Variants in KCNK1 observed in about 807,000 individuals in gnomAD.
KCNK1 encodes potassium channel subfamily K member 1.
A neutral mutation model predicts 22.2 loss-of-function variants in KCNK1; 10 were observed. The observed-to-expected ratio is 0.45, with a 90% confidence interval of 0.28 to 0.76. The LOEUF (loss-of-function observed/expected upper bound fraction) is 0.76. Ranked by LOEUF, KCNK1 falls within the 30% of genes least tolerant of loss-of-function variation. KCNK1 has a pLI of 0.14. For missense variants in KCNK1, 378 were observed against 421.0 expected (o/e 0.90, Z 0.89); for synonymous variants, 200 against 186.4 (o/e 1.07, Z -0.60).
chr1:233,617,676 G>A (rs927994117), intron 1 of KCNK1, among the ~76,000 whole-genome samples: 1 of 152,198 alleles, frequency 6.6e-6, no homozygotes, highest in Admixed American at 6.5e-5. Flanking sequence ...GGGAGGCCAG[G>A]GTGGAAGGAT....
chr1:233,621,510 A>T (rs1192374538), intron 1 of KCNK1, among the ~76,000 whole-genome samples: 1 of 152,198 alleles, frequency 6.6e-6, no homozygotes, highest in Non-Finnish European at 1.5e-5. Flanking sequence ...CCTGAATGGG[A>T]TGTCATTGTT....
At chr1:233,657,598 TAAGA>T (rs759969507) in intron 1 of KCNK1, among the ~76,000 whole-genome samples, 26 of 71,096 alleles carry the variant, frequency 3.7e-4, no homozygotes, top group African/African-American at 8.8e-4. Context: ...GCCAAAGAAA[TAAGA>T]AAGAAAGAAA....
intron 1 of KCNK1, among the ~76,000 whole-genome samples, chr1:233,626,913 C>T (rs551126746): frequency 5.3e-5 from 8 of 151,974 alleles, no homozygotes; most frequent in African/African-American, 9.7e-5. Flanking sequence ...AAATAAATAT[C>T]TCCAGTACTC....
chr1:233,671,376 A>G lies in KCNK1; in HGVS notation c.857A>G (p.Lys286Arg), dbSNP rs750085516. Residue 286 changes from lysine to arginine, a missense_variant, in exon 3 of 3, where the codon AAG (lysine) becomes AGG (arginine). Transcript: ENST00000366621. ...AAAATGTTCTATGTGAAGAAGGACA[A>G]GGACGAGGATCAGGTGCACATCATA... ...FRKMFYVKKD[K>R]DEDQVHIIEH... 1 of 1,614,228 alleles carries G rather than the reference A, an allele frequency of 6.2e-7. No homozygotes were observed. Among genetic ancestry groups the G allele is most frequent in the South Asian group, 1.1e-5 (1 of 91,084 alleles).
intron 1 of KCNK1, among the ~76,000 whole-genome samples, chr1:233,655,526 C>T (rs1253236401): frequency 6.6e-6 from 1 of 152,252 alleles, no homozygotes; most frequent in Non-Finnish European, 1.5e-5. Flanking sequence ...ATGTTATGGT[C>T]TGAGTGTTTG....
chr1:233,631,274 T>G, intron 1 of KCNK1: 1 of 531,496 alleles, frequency 1.9e-6, no homozygotes, highest in Non-Finnish European at 3.9e-6. Flanking sequence ...TCTGACAACA[T>G]CAAGATATGA....
At chr1:233,656,312 A>C in intron 1 of KCNK1, among the ~76,000 whole-genome samples, 1 of 152,336 alleles carries the variant, frequency 6.6e-6, no homozygotes, top group South Asian at 2.1e-4. Flanking sequence ...GAGAAGTTTC[A>C]TTGGCACCAG....
At chr1:233,638,134 G>A (rs2102893211) in intron 1 of KCNK1, among the ~76,000 whole-genome samples, 1 of 152,014 alleles carries the variant, frequency 6.6e-6, no homozygotes, top group East Asian at 1.9e-4. Context: ...TAGCTTATAT[G>A]TCTTAAGTGG....
At chr1:233,618,804 A>C (rs1657528749) in intron 1 of KCNK1, among the ~76,000 whole-genome samples, 1 of 152,078 alleles carries the variant, frequency 6.6e-6, no homozygotes, top group African/African-American at 2.4e-5. Flanking sequence ...GAATGGCTTG[A>C]ACCCGGGAGG....
intron 1 of KCNK1, chr1:233,631,298 A>C (rs1338929074): frequency 1.9e-6 from 1 of 531,514 alleles, no homozygotes; most frequent in East Asian, 5.5e-5. Flanking sequence ...GTTGTCACTC[A>C]CTGAACCCCT....
At chr1:233,637,129 G>T (rs954480575) in intron 1 of KCNK1, among the ~76,000 whole-genome samples, 4 of 150,292 alleles carry the variant, frequency 2.7e-5, no homozygotes, top group Middle Eastern at 6.4e-3. Flanking sequence ...CCAGGAGGCG[G>T]AGGTTGTAGT....
intron 1 of KCNK1, among the ~76,000 whole-genome samples, chr1:233,620,615 T>A (rs1365486689): frequency 1.3e-5 from 2 of 152,190 alleles, no homozygotes; most frequent in Non-Finnish European, 2.9e-5. Context: ...TACATAAAAT[T>A]AAACAAGCAA....
intron 1 of KCNK1, among the ~76,000 whole-genome samples, chr1:233,628,541 C>T (rs1275351843): frequency 6.6e-6 from 1 of 152,120 alleles, no homozygotes; most frequent in Non-Finnish European, 1.5e-5. Flanking sequence ...GGGCAGATCA[C>T]CTGAGCTCAG....
chr1:233,627,206 C>G (rs1252553461), intron 1 of KCNK1, among the ~76,000 whole-genome samples: 1 of 152,150 alleles, frequency 6.6e-6, no homozygotes, highest in Non-Finnish European at 1.5e-5. Context: ...GGGCTGGCTC[C>G]TTGCTCATTA....
At chr1:233,641,728 A>G (rs73105520) in intron 1 of KCNK1, among the ~76,000 whole-genome samples, 1 of 152,206 alleles carries the variant, frequency 6.6e-6, no homozygotes, top group African/African-American at 2.4e-5. Flanking sequence ...TAGATTAACA[A>G]GAGAAAAACA....
At chr1:233,615,462 ATACCCAG>A (rs1373771686) in intron 1 of KCNK1, among the ~76,000 whole-genome samples, 2 of 152,256 alleles carry the variant, frequency 1.3e-5, no homozygotes, top group East Asian at 3.9e-4. Context: ...AGTAAGGCAC[ATACCCAG>A]AGTGGAGATA....
At chr1:233,647,595 C>G (rs1472894080) in intron 1 of KCNK1, among the ~76,000 whole-genome samples, 2 of 152,156 alleles carry the variant, frequency 1.3e-5, no homozygotes, top group African/African-American at 4.8e-5. Context: ...CGATGCTCAA[C>G]AGGGAGGGAG....
At chr1:233,628,393 C>T (rs983699119) in intron 1 of KCNK1, among the ~76,000 whole-genome samples, 2 of 152,134 alleles carry the variant, frequency 1.3e-5, no homozygotes, top group African/African-American at 4.8e-5. Context: ...CCAAGCCTCA[C>T]CATTATGCAA....
At chr1:233,633,888 A>G (rs1052960849) in intron 1 of KCNK1, among the ~76,000 whole-genome samples, 3 of 152,228 alleles carry the variant, frequency 2.0e-5, no homozygotes, top group Non-Finnish European at 4.4e-5. Context: ...ATAGTCACAC[A>G]TCCGCAACAC....
Sources: allele counts gnomAD v4.1 joint callset (sites outside exome capture counted in the v4.1 genomes callset), GRCh38; gene constraint gnomAD v4.1.1; transcripts MANE v1.5; gene names NCBI Gene and HGNC (gene_info 2026-07-23, HGNC 2026-07-21).